Variants in PCBP3 observed in about 807,000 individuals in gnomAD.
PCBP3 encodes poly(rC) binding protein 3.
Under a neutral mutation model 52.7 loss-of-function variants are expected in PCBP3, and 25 were observed. The observed-to-expected ratio is 0.47, with a 90% CI of 0.35 to 0.66. PCBP3 has a LOEUF of 0.66. PCBP3 is among the 30% of genes least tolerant of loss of function. PCBP3 has a pLI of 0.01. For missense variants in PCBP3, 391 were observed against 490.3 expected, an observed-to-expected ratio of 0.80 and a Z score of 1.91; for synonymous variants, 162 against 183.0, an observed-to-expected ratio of 0.89 and a Z score of 0.93.
intron 2 of PCBP3, among the ~76,000 whole-genome samples, chr21:45,727,511 A>C (rs1167408882): frequency 2.0e-5 from 3 of 152,238 alleles, no homozygotes; most frequent in Admixed American, 6.5e-5. Context: ...GTCAAGAGGC[A>C]GAGAGAGCAA....
chr21:45,858,063 G>A (rs908550398), intron 5 of PCBP3, among the ~76,000 whole-genome samples: 3 of 152,220 alleles, frequency 2.0e-5, no homozygotes, highest in Non-Finnish European at 4.4e-5. Context: ...CCATGCCCCA[G>A]GGAGCCTCAT....
intron 5 of PCBP3, among the ~76,000 whole-genome samples, chr21:45,887,395 G>T (rs2095548111): frequency 6.6e-6 from 1 of 152,260 alleles, no homozygotes; most frequent in Non-Finnish European, 1.5e-5. Flanking sequence ...GCTTTGCCCT[G>T]CTCAGCTGCG....
chr21:45,646,342 T>C (rs528991631), intron 1 of PCBP3, among the ~76,000 whole-genome samples: 1 of 152,262 alleles, frequency 6.6e-6, no homozygotes, highest in African/African-American at 2.4e-5. Flanking sequence ...GTCTTCACTG[T>C]CTCTCTAGGT....
Position 45,737,901 on chromosome 21 carries a change from A to T in PCBP3, c.-162+2472A>T, listed in dbSNP as rs2086007382. Among the ~76,000 whole-genome samples, 1 of 152,190 alleles carries T rather than the reference A, an allele frequency of 6.6e-6. No homozygotes were observed. Among genetic ancestry groups the T allele is most frequent in the Non-Finnish European group, 1.5e-5 (1 of 68,032 alleles). Reference sequence around the variant, plus strand: ...GAGCTCATCTGAGTGGATGTTTCCCAGGGGAGCCAGTAGTTTTGGAAGCAC... The same window carrying T: ...GAGCTCATCTGAGTGGATGTTTCCCTGGGGAGCCAGTAGTTTTGGAAGCAC... On this transcript the variant is annotated intron_variant, in intron 3 of 17. Transcript: ENST00000681687. This position sits in a 1 kb window ranked among gnomAD's most constrained non-coding sequence, Gnocchi z 4.9.
chr21:45,735,885 C>T lies in PCBP3; in HGVS notation c.-162+456C>T, dbSNP rs978754023. Among the ~76,000 whole-genome samples, 6 of 152,208 alleles carry T rather than the reference C, an allele frequency of 3.9e-5. No homozygotes were observed. The highest frequency in any genetic ancestry group is 1.2e-4 in the African/African-American group (5 of 41,452). Reference sequence around the variant, plus strand: ...ATGATGGCACCACAATGTCTGAAGCCACACAGTGCATGGGTGACATCTGTG... The same window carrying T: ...ATGATGGCACCACAATGTCTGAAGCTACACAGTGCATGGGTGACATCTGTG... On this transcript the variant is annotated intron_variant, in intron 3 of 17. Transcript: ENST00000681687. This position sits in a 1 kb window ranked among gnomAD's most constrained non-coding sequence, Gnocchi z 4.0.
intron 16 of PCBP3, among the ~76,000 whole-genome samples, chr21:45,938,159 G>T (rs1229151540): frequency 6.6e-6 from 1 of 152,212 alleles, no homozygotes; most frequent in Admixed American, 6.5e-5. Flanking sequence ...TTTGCAGGAG[G>T]GGCAGGGAGA....
chr21:45,920,274 G>A (rs1054071634), intron 13 of PCBP3, among the ~76,000 whole-genome samples: 9 of 152,168 alleles, frequency 5.9e-5, no homozygotes, highest in Admixed American at 3.3e-4. Context: ...CTGAGCACCC[G>A]TCTGAGCCAG....
At chr21:45,906,363 C>T (rs1252743209) in intron 9 of PCBP3, among the ~76,000 whole-genome samples, 1 of 146,192 alleles carries the variant, frequency 6.8e-6, no homozygotes. Context: ...GTCACAGGGG[C>T]TGGGGTCAGG....
At chr21:45,846,035 G>A (rs1302045985) in intron 4 of PCBP3, among the ~76,000 whole-genome samples, 1 of 152,202 alleles carries the variant, frequency 6.6e-6, no homozygotes. Flanking sequence ...TTTCCACGTG[G>A]AGATTCCATC....
At chr21:45,755,636 T>A (rs1479117088) in intron 4 of PCBP3, among the ~76,000 whole-genome samples, 184 bp downstream of exon 4, 1 of 152,200 alleles carries the variant, frequency 6.6e-6, no homozygotes, top group Non-Finnish European at 1.5e-5. Context: ...TGTAATGGTG[T>A]CACATTATAG....
At chr21:45,663,091 T>A (rs1271898910) in intron 1 of PCBP3, among the ~76,000 whole-genome samples, 1 of 152,208 alleles carries the variant, frequency 6.6e-6, no homozygotes, top group Non-Finnish European at 1.5e-5. Flanking sequence ...CTCTGCCTTC[T>A]GACAACAGTA....
At chr21:45,701,525 T>C (rs969630980) in intron 2 of PCBP3, among the ~76,000 whole-genome samples, 1 of 152,278 alleles carries the variant, frequency 6.6e-6, no homozygotes, top group African/African-American at 2.4e-5. Context: ...GAACCCATTA[T>C]ATAATAAAAA....
In PCBP3 at chr21:45,886,254, TGGA is replaced by T. The variant is rs66706429; in HGVS notation, c.11-9948_11-9946del. On this transcript the variant is annotated intron_variant, in intron 5 of 17. Transcript: ENST00000681687. Reference sequence around the variant, plus strand: ...CAAGGGCAGAGGATGTGGTGAGGTGTGGAGGAGGCCTCATTGCCGCGGGTGCCA... The same window carrying T: ...CAAGGGCAGAGGATGTGGTGAGGTGTGGAGGCCTCATTGCCGCGGGTGCCA... Among the ~76,000 whole-genome samples, 51 of 30,094 alleles carry T rather than the reference TGGA, an allele frequency of 1.7e-3. 10 individuals carry two copies. The highest frequency in any genetic ancestry group is 6.1e-3 in the African/African-American group (47 of 7,738). The allele number at this position is 30,094 out of a possible 152,430, so 19.7% of individuals were successfully genotyped here. A position where few individuals can be genotyped will look rare whatever the true frequency, so the allele number is the denominator to read the frequency against.
At chr21:45,936,511 C>T (rs1396579170) in intron 16 of PCBP3, among the ~76,000 whole-genome samples, 1 of 152,242 alleles carries the variant, frequency 6.6e-6, no homozygotes. Flanking sequence ...CAGCACAGAG[C>T]CATCTCCCCA....
intron 4 of PCBP3, among the ~76,000 whole-genome samples, chr21:45,775,429 A>T (rs556267852): frequency 1.3e-5 from 2 of 151,890 alleles, no homozygotes; most frequent in Admixed American, 6.6e-5. Context: ...ATTTAAAAAA[A>T]TTTTTAGAAA....
intron 1 of PCBP3, among the ~76,000 whole-genome samples, chr21:45,663,049 G>C (rs2147110581): frequency 6.6e-6 from 1 of 152,258 alleles, no homozygotes; most frequent in African/African-American, 2.4e-5. Context: ...CACACTCCTG[G>C]TCCGCTTTCA....
chr21:45,931,563 T>C (rs964684116), intron 15 of PCBP3, among the ~76,000 whole-genome samples: 2 of 152,166 alleles, frequency 1.3e-5, no homozygotes, highest in African/African-American at 4.8e-5. Flanking sequence ...GGACTGCAGG[T>C]TGGGGCAGCC....
At chr21:45,709,375 C>T (rs919089362) in intron 2 of PCBP3, among the ~76,000 whole-genome samples, 1 of 152,116 alleles carries the variant, frequency 6.6e-6, no homozygotes, top group African/African-American at 2.4e-5. Context: ...CTGGGTGCCT[C>T]AAATGATGAA....
intron 11 of PCBP3, among the ~76,000 whole-genome samples, chr21:45,913,434 A>G (rs2096441546): frequency 1.3e-5 from 2 of 152,136 alleles, no homozygotes; most frequent in East Asian, 1.9e-4. Context: ...TCTCCAGAAC[A>G]TTCAAGAGAA....
Sources: allele counts gnomAD v4.1 joint callset (sites outside exome capture counted in the v4.1 genomes callset), GRCh38; gene constraint gnomAD v4.1.1; non-coding constraint Gnocchi (gnomAD v3.1); transcripts MANE v1.5; gene names NCBI Gene and HGNC (gene_info 2026-07-23, HGNC 2026-07-21).